LAMA3: variants seen among roughly 807,000 people sequenced by gnomAD.
LAMA3 encodes the protein laminin subunit alpha-3.
In LAMA3, 281 loss-of-function variants were observed where a neutral mutation model predicts 402.0. The observed-to-expected ratio is 0.70, with a 90% CI of 0.63 to 0.77. The LOEUF is 0.77. Among genes scored for constraint, LAMA3 ranks in the 30% least tolerant of loss-of-function variants. The pLI is 0.00. For synonymous variants in LAMA3, 1,431 were observed against 1,558.4 expected (o/e 0.92, Z 1.93); for missense variants, 3,840 against 4,215.5 (o/e 0.91, Z 2.47).
intron 12 of LAMA3, among the ~76,000 whole-genome samples, chr18:23,784,662 C>T (rs868017697): frequency 2.6e-5 from 4 of 152,060 alleles, no homozygotes; most frequent in Non-Finnish European, 5.9e-5. Flanking sequence ...TATCCCATCC[C>T]GGCAAGGGTC....
chr18:23,944,020 G>T, intron 69 of LAMA3, 49 bp downstream of exon 69: 1 of 1,570,240 alleles, frequency 6.4e-7, no homozygotes, highest in Non-Finnish European at 8.7e-7. Flanking sequence ...GGAATTCACT[G>T]TTGGAGTCGC....
chr18:23,953,844 G>A (rs910503987), intron 74 of LAMA3, among the ~76,000 whole-genome samples: 11 of 152,192 alleles, frequency 7.2e-5, no homozygotes, highest in African/African-American at 2.2e-4. Flanking sequence ...AGACTGGAAT[G>A]TTGTCTGGGA....
chr18:23,912,581 A>G, intron 55 of LAMA3, 130 bp from the exon 56 acceptor site: 4 of 763,114 alleles, frequency 5.2e-6, no homozygotes, highest in Non-Finnish European at 9.3e-6. Flanking sequence ...AGACATTCAC[A>G]TTCCCTTGCT....
intron 2 of LAMA3, among the ~76,000 whole-genome samples, chr18:23,720,931 A>T (rs1172649161): frequency 2.0e-5 from 3 of 152,070 alleles, no homozygotes; most frequent in African/African-American, 7.2e-5. Context: ...CCAAGGTGGG[A>T]GGATTGCTTG....
intron 68 of LAMA3, 148 bp downstream of exon 68, chr18:23,939,534 A>G (rs2059925): frequency 7.0e-6 from 6 of 862,388 alleles, no homozygotes; most frequent in African/African-American, 6.6e-5. Flanking sequence ...TGGCCTGCAC[A>G]GGACAGGGAG....
Position 23,905,586 on chromosome 18 carries a change from T to A in LAMA3, c.6680T>A (p.Leu2227Ter). ...CTGAGTTCCAACAGTGATAAACTGT[T>A]AAATGAAGCCAAGATGACACAAAAG... The part of the protein sequence containing the change: ...KTLSSNSDKL[L>*]NEAKMTQKKL... Residue 2227 changes from leucine to a stop codon, truncating the protein, a stop_gained, in exon 52 of 75, where the codon TTA (leucine) becomes TAA (stop). Coordinates refer to ENST00000313654, the MANE Select transcript of LAMA3 (RefSeq NM_198129.4). LOFTEE classifies it high-confidence loss of function. 6.2e-7 allele frequency: 1 copy of A among 1,611,582 alleles called. No homozygotes were observed. Among genetic ancestry groups the A allele is most frequent in the Non-Finnish European group, 8.5e-7 (1 of 1,178,120 alleles).
In LAMA3 at chr18:23,824,427, T is replaced by C. The variant is rs759477413; in HGVS notation, c.2433T>C (p.Ala811=). The C allele has an allele frequency of 3.3e-5, 53 of 1,614,038 alleles. No individual in the cohort carries two copies. Among genetic ancestry groups the C allele is most frequent in the Non-Finnish European group, 4.3e-5 (51 of 1,179,984 alleles). ...AGTTCTTTGTATTTCTGATAGGTGC[T>C]GCTCAAAGCAAAGAGATCATCTTCC... ...GHITIYPSWG[A]AQSKEIIFLP... is the part of the protein sequence containing the mutation. Residue 811 remains alanine (A), a synonymous_variant, in exon 21 of 75, where the codon GCT becomes GCC. Coordinates refer to ENST00000313654, the MANE Select transcript of LAMA3 (RefSeq NM_198129.4).
intron 2 of LAMA3, among the ~76,000 whole-genome samples, chr18:23,722,263 T>G (rs1323455269): frequency 6.6e-6 from 1 of 152,214 alleles, no homozygotes; most frequent in Admixed American, 6.5e-5. Context: ...ACTCAAATAT[T>G]GCCTGCTGGA....
chr18:23,797,082 G>T (rs962739465), intron 12 of LAMA3, among the ~76,000 whole-genome samples: 2 of 152,152 alleles, frequency 1.3e-5, no homozygotes, highest in African/African-American at 4.8e-5. Flanking sequence ...TCCAGCCTTG[G>T]AGAAGCCTGC....
At chr18:23,727,648 A>G (rs967173122) in intron 2 of LAMA3, among the ~76,000 whole-genome samples, 1 of 151,910 alleles carries the variant, frequency 6.6e-6, no homozygotes, top group Non-Finnish European at 1.5e-5. Context: ...TGAATGAGTA[A>G]CAAACAGTTC....
intron 12 of LAMA3, among the ~76,000 whole-genome samples, chr18:23,787,517 GT>G (rs2144043751): frequency 6.6e-6 from 1 of 152,160 alleles, no homozygotes; most frequent in South Asian, 2.1e-4. Flanking sequence ...ACATATTATA[GT>G]TAAAATCATA....
At chr18:23,776,874 C>T (rs1217034121) in intron 10 of LAMA3, among the ~76,000 whole-genome samples, 1 of 144,384 alleles carries the variant, frequency 6.9e-6, no homozygotes. Flanking sequence ...GAATTTCGCT[C>T]TTGTTGCCCA....
Position 23,921,483 on chromosome 18 carries a change from G to A in LAMA3, c.8075G>A (p.Arg2692His), listed in dbSNP as rs139915002. 182 of 1,613,702 alleles carry A rather than the reference G, an allele frequency of 1.1e-4. No individual in the cohort carries two copies. The highest frequency in any genetic ancestry group is 1.5e-4 in the Non-Finnish European group (172 of 1,179,880). The change falls in exon 62 of 75, where the codon CGT becomes CAT. Residue 2692 changes from arginine to histidine, a missense_variant. Physicochemically the swap from Arg to His is conservative, Grantham distance 29. This residue lies in a region of LAMA3 where 840 missense variants were observed against 981.9 expected (regional missense o/e 0.86). Coordinates refer to ENST00000313654, the MANE Select transcript of LAMA3 (RefSeq NM_198129.4). ...IQIKIGKLQK[R>H]MWINVDVQNT... ...ATCAAAATTGGAAAACTCCAAAAGC[G>A]TATGTGGATAAATGTGGACGTTCAA... is the stretch of plus-strand genomic sequence containing the variant.
chr18:23,737,934 T>C (rs2061502375), intron 2 of LAMA3, among the ~76,000 whole-genome samples: 1 of 152,190 alleles, frequency 6.6e-6, no homozygotes, highest in Non-Finnish European at 1.5e-5. Flanking sequence ...GTAGGAGTTA[T>C]CAGGCTCCAG....
intron 11 of LAMA3, among the ~76,000 whole-genome samples, chr18:23,779,756 G>A (rs2062398704): frequency 6.6e-6 from 1 of 152,132 alleles, no homozygotes; most frequent in South Asian, 2.1e-4. Flanking sequence ...AGGAATGTGG[G>A]TGGGAGGATG....
intron 62 of LAMA3, among the ~76,000 whole-genome samples, chr18:23,926,629 G>C (rs1201945918): frequency 6.6e-6 from 1 of 152,216 alleles, no homozygotes; most frequent in Non-Finnish European, 1.5e-5. Context: ...AGAAAAGTAA[G>C]CTGCATTAGG....
At chr18:23,790,891 CTT>C (rs34056350) in intron 12 of LAMA3, among the ~76,000 whole-genome samples, 23,358 of 144,840 alleles carry the variant, frequency 0.16, 2,641 homozygotes, top group East Asian at 0.57. Flanking sequence ...CCTATTTTAT[CTT>C]TTTTTTTTTT....
intron 24 of LAMA3, chr18:23,834,977 C>T (rs1244317666): frequency 2.6e-5 from 4 of 152,120 alleles, no homozygotes; most frequent in Non-Finnish European, 5.9e-5. Flanking sequence ...GATGATAGAA[C>T]CAAAGAAGGT....
chr18:23,740,233 AG>A (rs2061539918), intron 2 of LAMA3, among the ~76,000 whole-genome samples: 1 of 152,220 alleles, frequency 6.6e-6, no homozygotes, highest in Non-Finnish European at 1.5e-5. Context: ...AATGCTCTTG[AG>A]TAACAGTTTG....
Sources: gnomAD v4.1 joint callset for allele counts (sites outside exome capture counted in the v4.1 genomes callset) on GRCh38, gnomAD v4.1.1 for gene constraint, gnomAD v4.1.1 regional missense constraint, MANE v1.5 for transcripts, NCBI Gene and HGNC (gene_info 2026-07-23, HGNC 2026-07-21) for gene names.